Variants in CDK19 observed in about 807,000 individuals in gnomAD.
CDK19 encodes the protein cyclin-dependent kinase 19.
In CDK19, 20 loss-of-function variants were observed where a neutral mutation model predicts 68.3. The ratio of observed to expected loss-of-function variants is 0.29; its 90% CI spans 0.21 to 0.43. The LOEUF (loss-of-function observed/expected upper bound fraction) is 0.43. Ranked by LOEUF, CDK19 falls within the 20% of genes least tolerant of loss-of-function variation. CDK19 has a pLI of 1.00. For synonymous variants in CDK19, 221 were observed against 222.8 expected (o/e 0.99, Z 0.07); for missense variants, 339 against 623.5 (o/e 0.54, Z 4.86).
chr6:110,752,126 A>G, intron 1 of CDK19, among the ~76,000 whole-genome samples: 1 of 152,178 alleles, frequency 6.6e-6, no homozygotes. Context: ...CATGAGCCCA[A>G]TATTCAGCCA....
chr6:110,623,305 G>A lies in CDK19; in HGVS notation c.918C>T (p.Ser306=). The A allele has an allele frequency of 6.2e-7, 1 of 1,613,836 alleles. No individual in the cohort carries two copies. The highest frequency in any genetic ancestry group is 2.2e-5 in the East Asian group (1 of 44,876). ...YMEKHKVKPD[S]KVFLLLQKLL... is the part of the protein sequence containing the mutation. ...AAGCACCTACCAAGAGGAACACTTT[G>A]CTGTCAGGCTTGACCTTGTGTTTCT... is the stretch of plus-strand genomic sequence containing the variant. The change falls in exon 9 of 13, where the codon AGC becomes AGT. Residue 306 remains serine (S), a synonymous_variant. Coordinates refer to ENST00000368911, the MANE Select transcript of CDK19 (RefSeq NM_015076.5).
intron 1 of CDK19, among the ~76,000 whole-genome samples, chr6:110,788,214 G>A (rs1441142587): frequency 6.6e-6 from 1 of 152,002 alleles, no homozygotes; most frequent in African/African-American, 2.4e-5. Flanking sequence ...AGGCTGGAGT[G>A]AAGTGGTGCA....
intron 12 of CDK19, among the ~76,000 whole-genome samples, chr6:110,620,711 G>A (rs1778655069): frequency 6.6e-6 from 1 of 152,074 alleles, no homozygotes; most frequent in Admixed American, 6.5e-5. Flanking sequence ...CTTCCTCCCA[G>A]AAAGAGCATA....
At chr6:110,790,461 G>T (rs1781512764) in intron 1 of CDK19, among the ~76,000 whole-genome samples, 1 of 152,098 alleles carries the variant, frequency 6.6e-6, no homozygotes, top group African/African-American at 2.4e-5. Flanking sequence ...CTTGAAACTG[G>T]GAGGCAGAGG....
chr6:110,631,766 C>A (rs547463440), intron 6 of CDK19, among the ~76,000 whole-genome samples: 3 of 152,294 alleles, frequency 2.0e-5, no homozygotes, highest in Non-Finnish European at 4.4e-5. Flanking sequence ...ATAAAATGTG[C>A]ATGTTATTGT....
At chr6:110,641,174 T>C (rs186624616) in intron 4 of CDK19, among the ~76,000 whole-genome samples, 4 of 152,148 alleles carry the variant, frequency 2.6e-5, no homozygotes, top group African/African-American at 9.6e-5. Flanking sequence ...AAAAAAACTA[T>C]TTATCAAAGG....
At chr6:110,665,307 C>A (rs1178540355) in intron 4 of CDK19, among the ~76,000 whole-genome samples, 1 of 152,078 alleles carries the variant, frequency 6.6e-6, no homozygotes, top group African/African-American at 2.4e-5. Context: ...TTAGAGACAA[C>A]ACTGAAAGAA....
intron 2 of CDK19, among the ~76,000 whole-genome samples, chr6:110,701,153 G>A (rs577054543): frequency 3.3e-5 from 5 of 152,110 alleles, no homozygotes; most frequent in African/African-American, 1.2e-4. Context: ...GCAGTGAGCC[G>A]AGATCGTGCC....
At chr6:110,695,767 A>G (rs191731600) in intron 2 of CDK19, among the ~76,000 whole-genome samples, 272 of 152,240 alleles carry the variant, frequency 1.8e-3, no homozygotes, top group Non-Finnish European at 3.0e-3. Context: ...AATTCCTGAA[A>G]ATATACAACC....
intron 5 of CDK19, 68 bp downstream of exon 5, chr6:110,638,580 TA>T: frequency 2.5e-6 from 2 of 808,752 alleles, no homozygotes; most frequent in East Asian, 2.5e-5. Context: ...ATAAGGGCAT[TA>T]AAAAGGGAAA....
intron 8 of CDK19, among the ~76,000 whole-genome samples, chr6:110,626,413 G>A (rs1024955105): frequency 6.6e-6 from 1 of 152,082 alleles, no homozygotes; most frequent in African/African-American, 2.4e-5. Flanking sequence ...GAATGTTTAT[G>A]TCCCCTCCAA....
intron 1 of CDK19, among the ~76,000 whole-genome samples, chr6:110,756,339 G>A (rs962304804): frequency 2.6e-4 from 39 of 151,558 alleles, no homozygotes; most frequent in African/African-American, 9.5e-4. Flanking sequence ...GCAATGAGCC[G>A]AGATTGCACC....
chr6:110,815,187 T>G lies in CDK19; in HGVS notation c.-51A>C. On this transcript the variant is annotated 5_prime_UTR_variant, in exon 1 of 13. Coordinates refer to ENST00000368911, the MANE Select transcript of CDK19 (RefSeq NM_015076.5). Reference sequence around the variant, plus strand: ...GGACGCGGGGGCCGCCGCCGCTCAGTCCCTCCTCCTCCTCCCCCCGCGACC... The same window carrying G: ...GGACGCGGGGGCCGCCGCCGCTCAGGCCCTCCTCCTCCTCCCCCCGCGACC... 6.9e-7 allele frequency: 1 copy of G among 1,452,594 alleles called. No individual in the cohort carries two copies. The highest frequency in any genetic ancestry group is 1.3e-5 in the South Asian group (1 of 78,292). 90.0% of individuals were successfully genotyped at this position (1,452,594 alleles called of 1,614,324 possible).
chr6:110,685,773 C>G (rs988699372), intron 2 of CDK19, among the ~76,000 whole-genome samples: 4 of 152,112 alleles, frequency 2.6e-5, no homozygotes, highest in Admixed American at 2.6e-4. Context: ...ACTATTTTTC[C>G]TGTAAATAAT....
chr6:110,808,707 CTTAAT>C (rs1348678651), intron 1 of CDK19, among the ~76,000 whole-genome samples: 2 of 152,088 alleles, frequency 1.3e-5, no homozygotes, highest in Non-Finnish European at 2.9e-5. Flanking sequence ...GTTAAAGATA[CTTAAT>C]TTTTTACCAT....
At chr6:110,675,780 A>G (rs1238052164) in intron 2 of CDK19, among the ~76,000 whole-genome samples, 1 of 152,194 alleles carries the variant, frequency 6.6e-6, no homozygotes, top group Non-Finnish European at 1.5e-5. Flanking sequence ...CCTAGAAAAA[A>G]GATTCCTTTC....
rs1335102560 is a variant in CDK19 at position 110,723,145 on chromosome 6, A to C, written c.204+22981T>G. Among the ~76,000 whole-genome samples, 332 of 99,370 alleles carry C rather than the reference A, an allele frequency of 3.3e-3. 17 individuals carry two copies. Among genetic ancestry groups the C allele is most frequent in the African/African-American group, 8.8e-3 (305 of 34,808 alleles). 65.2% of individuals were successfully genotyped at this position (99,370 alleles called of 152,430 possible). On this transcript the variant is annotated intron_variant, in intron 2 of 12. Transcript: ENST00000368911. The stretch of plus-strand genomic sequence containing the variant: ...CTTTCAAGGCTTTGTCAAAAAAAAC[A>C]AAAAACAAAAAAAAAAACGCAGATT...
rs369487963 is a variant in CDK19, at chr6:110,721,334, T to A, written c.204+24792A>T. On this transcript the variant is annotated intron_variant, in intron 2 of 12. Transcript: ENST00000368911. ...AGTCAACAATTCTAGAGGAGTAATATCATATGTTAGAGGCCTTCATTTTTC... is the reference window on the plus strand; with the variant it reads ...AGTCAACAATTCTAGAGGAGTAATAACATATGTTAGAGGCCTTCATTTTTC... Among the ~76,000 whole-genome samples the A allele has an allele frequency of 1.4e-4, 21 of 152,088 alleles. 1 individual carries two copies. Among genetic ancestry groups the A allele is most frequent in the Admixed American group, 1.0e-3 (16 of 15,242 alleles).
intron 1 of CDK19, among the ~76,000 whole-genome samples, chr6:110,794,456 C>T (rs1781800475): frequency 6.8e-6 from 1 of 146,852 alleles, no homozygotes; most frequent in African/African-American, 2.5e-5. Flanking sequence ...GGCTGGAGTG[C>T]AGTAGCGTCA....
Sources: allele counts gnomAD v4.1 joint callset (sites outside exome capture counted in the v4.1 genomes callset), GRCh38; gene constraint gnomAD v4.1.1; transcripts MANE v1.5; gene names NCBI Gene and HGNC (gene_info 2026-07-23, HGNC 2026-07-21).